NCOR2: variants seen among roughly 807,000 people sequenced by gnomAD.
NCOR2 encodes nuclear receptor corepressor 2.
A neutral mutation model predicts 262.9 loss-of-function variants in NCOR2; 81 were observed. That is an observed-to-expected ratio of 0.31 (90% CI 0.26 to 0.37). The LOEUF is 0.37. Ranked by LOEUF, NCOR2 falls within the 10% of genes least tolerant of loss-of-function variation. The probability of loss-of-function intolerance (pLI) is 1.00; values close to 1 mark genes in which losing one functional copy is unlikely to be tolerated. For missense variants in NCOR2, 3,385 were observed against 3,621.4 expected (o/e 0.93, Z 1.68); for synonymous variants, 1,659 against 1,559.3 (o/e 1.06, Z -1.51).
chr12:124,437,867 C>A, intron 8 of NCOR2, 63 bp downstream of exon 10: 2 of 1,503,430 alleles, frequency 1.3e-6, no homozygotes, highest in Non-Finnish European at 1.8e-6. Flanking sequence ...GGTGTGGCCC[C>A]CTGTGCGCTC....
intron 20 of NCOR2, among the ~76,000 whole-genome samples, chr12:124,368,882 C>T (rs1425105570): frequency 1.3e-5 from 2 of 152,260 alleles, no homozygotes; most frequent in Non-Finnish European, 2.9e-5. Context: ...GCGCCTGGCG[C>T]ATGCTGGTGC....
chr12:124,400,355 G>A (rs2041929050), intron 15 of NCOR2, 146 bp downstream of exon 17: 2 of 1,084,546 alleles, frequency 1.8e-6, no homozygotes, highest in Non-Finnish European at 2.7e-6. Flanking sequence ...CATCCAGTAG[G>A]TAGCGCTGGG....
chr12:124,359,235 C>G (rs994481263), intron 22 of NCOR2, among the ~76,000 whole-genome samples: 2 of 152,192 alleles, frequency 1.3e-5, no homozygotes, highest in African/African-American at 4.8e-5. Context: ...AGCAGAGACA[C>G]AACTTGGGAA....
chr12:124,494,227 A>ACG (rs1555231466), intron 1 of NCOR2, among the ~76,000 whole-genome samples: 4 of 151,866 alleles, frequency 2.6e-5, no homozygotes, highest in South Asian at 2.1e-4. Context: ...ACAGACACAC[A>ACG]CACACACGCA....
chr12:124,563,551 T>C (rs2052137665), intron 1 of NCOR2, among the ~76,000 whole-genome samples: 1 of 152,250 alleles, frequency 6.6e-6, no homozygotes, highest in Admixed American at 6.5e-5. Flanking sequence ...GGCTACACAG[T>C]ACCCGAGGGC....
At chr12:124,390,072 G>A (rs1364375484) in intron 16 of NCOR2, among the ~76,000 whole-genome samples, 1 of 152,222 alleles carries the variant, frequency 6.6e-6, no homozygotes, top group East Asian at 1.9e-4. Flanking sequence ...CCCAGCCCTC[G>A]TCCTGGGGCA....
chr12:124,339,701 AT>A (rs1431046699), intron 37 of NCOR2, among the ~76,000 whole-genome samples: 3 of 85,040 alleles, frequency 3.5e-5, no homozygotes, highest in Non-Finnish European at 6.0e-5. Context: ...TCATCCACCC[AT>A]CCAACCAGCT....
rs1474631960 is a variant in NCOR2 at position 124,517,526 on chromosome 12, C to T, written c.-118+18039G>A. Among the ~76,000 whole-genome samples the T allele has an allele frequency of 2.0e-5, 3 of 152,182 alleles. No homozygotes were observed. The highest frequency in any genetic ancestry group is 2.9e-5 in the Non-Finnish European group (2 of 68,020). On this transcript the variant is annotated intron_variant, in intron 1 of 46. Coordinates refer to the NCOR2 transcript ENST00000404621. The surrounding 1 kb of genome is among the most constrained non-coding windows in gnomAD (Gnocchi z 7.6). ...AGCGCCACCTCGGTGGGGAGCCGGGCGCCGGGGCCGGGCTGCAGCGCTGCC... is the reference window on the plus strand; with the variant it reads ...AGCGCCACCTCGGTGGGGAGCCGGGTGCCGGGGCCGGGCTGCAGCGCTGCC...
intron 1 of NCOR2, among the ~76,000 whole-genome samples, chr12:124,493,534 T>G (rs900330139): frequency 2.6e-5 from 4 of 152,212 alleles, no homozygotes; most frequent in African/African-American, 9.7e-5. Context: ...GTTACGTAAC[T>G]TGTCCAGTTT....
At chr12:124,477,454 A>G (rs997460841) in intron 3 of NCOR2, among the ~76,000 whole-genome samples, 3 of 152,226 alleles carry the variant, frequency 2.0e-5, no homozygotes, top group African/African-American at 4.8e-5. Flanking sequence ...GTATGTCTTT[A>G]TTAGCGGTGT....
intron 8 of NCOR2, among the ~76,000 whole-genome samples, chr12:124,436,271 C>G (rs1292205955): frequency 6.6e-6 from 1 of 152,216 alleles, no homozygotes; most frequent in African/African-American, 2.4e-5. Context: ...CAGGCCTGCG[C>G]CTGGGAGGGC....
chr12:124,325,206 A>G (rs2034524729), exon 47 of NCOR2: 1 of 327,120 alleles, frequency 3.1e-6, no homozygotes. Context: ...GCACAGGGCC[A>G]GCCCGGGGCG....
In NCOR2 at chr12:124,347,816, G is replaced by A; in HGVS notation, c.4072+9C>T. On this transcript the variant is annotated intron_variant, in intron 30 of 46. Coordinates refer to ENST00000405201, the Ensembl canonical transcript of NCOR2. ...GGGGGCAACGAGGGAGCAGGGAACA[G>A]GGCAGTACCTTGTGTGATGGACCCG... is the stretch of plus-strand genomic sequence containing the variant. 1 of 1,558,992 alleles carries A rather than the reference G, an allele frequency of 6.4e-7. No individual in the cohort carries two copies. The highest frequency in any genetic ancestry group is 2.4e-5 in the East Asian group (1 of 41,684).
chr12:124,358,629 C>T (rs1029316442), intron 22 of NCOR2, among the ~76,000 whole-genome samples: 4 of 152,188 alleles, frequency 2.6e-5, no homozygotes, highest in Non-Finnish European at 4.4e-5. Context: ...GAGGTACAGA[C>T]ACACCAATGG....
exon 13 of NCOR2, chr12:124,419,968 C>T (rs1417679117): frequency 3.7e-6 from 6 of 1,613,874 alleles, no homozygotes; most frequent in South Asian, 1.1e-5. Flanking sequence ...TGGCTCTTGC[C>T]GCGGCGCCGA....
intron 1 of NCOR2, among the ~76,000 whole-genome samples, chr12:124,521,176 C>T (rs1222234572): frequency 2.0e-5 from 3 of 152,234 alleles, no homozygotes; most frequent in Admixed American, 6.5e-5. Flanking sequence ...CTTCAGCATC[C>T]GGCTCCAGCT....
In NCOR2 at chr12:124,504,231, T is replaced by C. The variant is rs1368303872; in HGVS notation, c.-117-8863A>G. Among the ~76,000 whole-genome samples, 4 of 152,198 alleles carry C rather than the reference T, an allele frequency of 2.6e-5. No homozygotes were observed. The highest frequency in any genetic ancestry group is 9.7e-5 in the African/African-American group (4 of 41,446). On this transcript the variant is annotated intron_variant, in intron 1 of 46. Transcript: ENST00000404621. The surrounding 1 kb of genome is among the most constrained non-coding windows in gnomAD (Gnocchi z 4.5). Reference sequence around the variant, plus strand: ...GGTAGATGTACAGGGTAGAGATACGTGGGCCAGGTTAAAGCCAGAAAGCTG... The same window carrying C: ...GGTAGATGTACAGGGTAGAGATACGCGGGCCAGGTTAAAGCCAGAAAGCTG...
chr12:124,499,368 C>T (rs1018201093), upstream of NCOR2, among the ~76,000 whole-genome samples: 2 of 152,260 alleles, frequency 1.3e-5, no homozygotes, highest in East Asian at 1.9e-4. Context: ...CCCTGCTGAG[C>T]CCCGGGCTAG....
intron 1 of NCOR2, among the ~76,000 whole-genome samples, chr12:124,552,420 C>A (rs2051740741): frequency 6.6e-6 from 1 of 152,206 alleles, no homozygotes; most frequent in Non-Finnish European, 1.5e-5. Context: ...TAGCACAGCC[C>A]TTTACCGTTT....
Sources: allele counts gnomAD v4.1 joint callset (sites outside exome capture counted in the v4.1 genomes callset), GRCh38; gene constraint gnomAD v4.1.1; non-coding constraint Gnocchi (gnomAD v3.1); transcripts MANE v1.5; gene names NCBI Gene and HGNC (gene_info 2026-07-23, HGNC 2026-07-21).